MAPK10: variants seen among roughly 807,000 people sequenced by gnomAD.
MAPK10 encodes mitogen-activated protein kinase 10.
MAPK10 carries 25 observed loss-of-function variants against 59.3 expected under a neutral mutation model. The observed-to-expected ratio is 0.42, with a 90% CI of 0.31 to 0.59. The LOEUF is 0.59. MAPK10 is among the 20% of genes least tolerant of loss of function. The pLI, the probability that MAPK10 is intolerant of heterozygous loss-of-function variation, is 0.15. For synonymous variants in MAPK10, 190 were observed against 200.5 expected (o/e 0.95, Z 0.44); for missense variants, 351 against 568.9 (o/e 0.62, Z 3.90).
At position 86,474,688 on chromosome 4, in the gene MAPK10, A is replaced by T. The variant is rs182007683; in HGVS notation, c.-263+119222T>A. Among the ~76,000 whole-genome samples, 3 of 152,314 alleles carry T rather than the reference A, an allele frequency of 2.0e-5. No homozygotes were observed. The East Asian group carries it at 5.8e-4, about 29-fold the overall frequency. On this transcript the variant is annotated intron_variant, in intron 1 of 4. Coordinates refer to the MAPK10 transcript ENST00000502302. ...CTAGAAAATGAGCTGAAGGAAAAGT[A>T]CTGACTAGCAGCTAATATAAAGTGA... is the stretch of plus-strand genomic sequence containing the variant.
chr4:86,114,269 T>A (rs1224901985), intron 4 of MAPK10, among the ~76,000 whole-genome samples: 1 of 152,242 alleles, frequency 6.6e-6, no homozygotes, highest in Non-Finnish European at 1.5e-5. Context: ...GGAGAGGTGC[T>A]GCAATCATTT....
In MAPK10 at chr4:86,391,983, T is replaced by C. The variant is rs375321465; in HGVS notation, c.-121-37339A>G. 4.7e-4 allele frequency among the ~76,000 whole-genome samples: 71 copies of C among 152,302 alleles called. 3 individuals carry two copies. In the South Asian group the frequency reaches 0.014, roughly 31 times the overall value. On this transcript the variant is annotated intron_variant, in intron 1 of 13. Transcript: ENST00000361569. The stretch of plus-strand genomic sequence containing the variant: ...CAATTTCAGGATTGAGTATTAGACC[T>C]ATAAGTCAGGCTAATCAGGACCAAT...
At chr4:86,548,259 C>T (rs1304506097) in intron 1 of MAPK10, among the ~76,000 whole-genome samples, 4 of 152,090 alleles carry the variant, frequency 2.6e-5, no homozygotes, top group African/African-American at 9.7e-5. Context: ...CAAAGGTCCG[C>T]AGTTTCACTC....
rs140932822 is a variant in MAPK10 at position 86,512,957 on chromosome 4, C to T, written c.-263+80953G>A. Among the ~76,000 whole-genome samples, 18 of 152,340 alleles carry T rather than the reference C, an allele frequency of 1.2e-4. No individual in the cohort carries two copies. In the East Asian group the frequency reaches 3.3e-3, roughly 28 times the overall value. On this transcript the variant is annotated intron_variant, in intron 1 of 4. Transcript: ENST00000502302. ...ATATCATAATGAGACTCTTACCTCTCTTAATGCCCACCTTTTTCACTTGGC... is the reference window on the plus strand; with the variant it reads ...ATATCATAATGAGACTCTTACCTCTTTTAATGCCCACCTTTTTCACTTGGC...
At chr4:86,182,131 C>A (rs1459985704) in intron 3 of MAPK10, among the ~76,000 whole-genome samples, 1 of 151,876 alleles carries the variant, frequency 6.6e-6, no homozygotes, top group East Asian at 1.9e-4. Context: ...TATTGTCCAA[C>A]ATTACAAAGA....
At chr4:86,389,073 GATGATTGGATC>G (rs1020481759) in intron 1 of MAPK10, among the ~76,000 whole-genome samples, 2 of 152,212 alleles carry the variant, frequency 1.3e-5, no homozygotes, top group African/African-American at 4.8e-5. Context: ...CCTGGTGGGA[GATGATTGGATC>G]ATGGGGCTGG....
At chr4:86,070,075 T>C (rs973341165) in intron 9 of MAPK10, among the ~76,000 whole-genome samples, 12 of 152,290 alleles carry the variant, frequency 7.9e-5, no homozygotes, top group Middle Eastern at 3.4e-3. Flanking sequence ...TGAAACACTG[T>C]TGTGATTCTT....
intron 1 of MAPK10, among the ~76,000 whole-genome samples, chr4:86,559,876 TTGCAG>T (rs1156955240): frequency 3.0e-4 from 46 of 151,490 alleles, no homozygotes; most frequent in African/African-American, 1.1e-3. Flanking sequence ...GAGGCAGAGA[TTGCAG>T]TGAGCCGAGA....
chr4:86,326,991 G>A (rs2096038222), intron 2 of MAPK10: 1 of 152,168 alleles, frequency 6.6e-6, no homozygotes, highest in Admixed American at 6.5e-5. Flanking sequence ...ATTTAGTAGG[G>A]AATCCATCTC....
chr4:86,204,165 A>T (rs894750210), intron 2 of MAPK10, among the ~76,000 whole-genome samples: 1 of 151,982 alleles, frequency 6.6e-6, no homozygotes, highest in Admixed American at 6.6e-5. Flanking sequence ...AAGTTTGCCA[A>T]CCTCTGATTT....
At chr4:86,060,863 G>C (rs1331360559) in intron 11 of MAPK10, among the ~76,000 whole-genome samples, 1 of 152,054 alleles carries the variant, frequency 6.6e-6, no homozygotes, top group Non-Finnish European at 1.5e-5. Flanking sequence ...GTTCAAAAAA[G>C]AAATGTTGTG....
intron 11 of MAPK10, among the ~76,000 whole-genome samples, chr4:86,055,030 A>G (rs1159437189): frequency 6.6e-6 from 1 of 152,198 alleles, no homozygotes; most frequent in Non-Finnish European, 1.5e-5. Context: ...AGAAAAGAGA[A>G]TCATGATGTC....
chr4:86,513,868 T>C (rs1246549778), intron 1 of MAPK10, among the ~76,000 whole-genome samples: 1 of 152,144 alleles, frequency 6.6e-6, no homozygotes, highest in Non-Finnish European at 1.5e-5. Context: ...GGATTCCAGG[T>C]AGCCTTAGCC....
At chr4:86,522,198 G>T (rs985883276) in intron 1 of MAPK10, among the ~76,000 whole-genome samples, 8 of 152,166 alleles carry the variant, frequency 5.3e-5, no homozygotes, top group African/African-American at 1.9e-4. Context: ...TTTTTTGGCT[G>T]TCTTGTGGCA....
chr4:86,194,271 G>A (rs1041250941), intron 3 of MAPK10, 65 bp downstream of exon 3: 1 of 1,191,226 alleles, frequency 8.4e-7, no homozygotes, highest in Non-Finnish European at 1.3e-6. Flanking sequence ...GTATGCAAAT[G>A]GTATGTCAAA....
At chr4:86,575,706 CT>C (rs984727304) in intron 1 of MAPK10, among the ~76,000 whole-genome samples, 6 of 151,064 alleles carry the variant, frequency 4.0e-5, no homozygotes, top group Admixed American at 3.3e-4. Context: ...ACATTGATTA[CT>C]TTTTAAATGG....
chr4:86,024,438 A>G (rs997546721), intron 13 of MAPK10: 1 of 152,226 alleles, frequency 6.6e-6, no homozygotes, highest in Non-Finnish European at 1.5e-5. Flanking sequence ...GCATATTTTC[A>G]GCACACTTCT....
chr4:86,311,035 T>TACACACACACAC (rs143712904), intron 2 of MAPK10, among the ~76,000 whole-genome samples: 6,434 of 141,750 alleles, frequency 0.045, 176 homozygotes, highest in South Asian at 0.11. Flanking sequence ...AGTTTTAAGT[T>TACACACACACAC]ACACACACAC....
chr4:86,068,239 AAC>A (rs1201320447), intron 9 of MAPK10, among the ~76,000 whole-genome samples: 1 of 152,206 alleles, frequency 6.6e-6, no homozygotes, highest in African/African-American at 2.4e-5. Flanking sequence ...TCATTCAGAT[AAC>A]ACAAGATGAA....
Sources: gnomAD v4.1 joint callset for allele counts (sites outside exome capture counted in the v4.1 genomes callset) on GRCh38, gnomAD v4.1.1 for gene constraint, MANE v1.5 for transcripts, NCBI Gene and HGNC (gene_info 2026-07-23, HGNC 2026-07-21) for gene names.